The following PIK3CB variants were observed in gnomAD, a reference collection of about 807,000 sequenced individuals.
PIK3CB encodes phosphatidylinositol-4,5-bisphosphate 3-kinase catalytic subunit beta.
Under a neutral mutation model 136.8 loss-of-function variants are expected in PIK3CB, and 39 were observed. The ratio of observed to expected loss-of-function variants is 0.29; its 90% CI spans 0.22 to 0.37. The LOEUF (loss-of-function observed/expected upper bound fraction) is 0.37. PIK3CB is among the 10% of genes least tolerant of loss of function. The pLI is 1.00. For missense variants in PIK3CB, 868 were observed against 1,275.4 expected (o/e 0.68, Z 4.87); for synonymous variants, 428 against 436.6 (o/e 0.98, Z 0.25).
At chr3:138,759,003 C>T (rs905426129) in intron 3 of PIK3CB, among the ~76,000 whole-genome samples, 170 bp downstream of exon 3, 2 of 152,024 alleles carry the variant, frequency 1.3e-5, no homozygotes, top group Admixed American at 6.6e-5. Context: ...TTTTAATAAC[C>T]CAAACAAACA....
intron 10 of PIK3CB, 57 bp downstream of exon 10, chr3:138,712,151 T>C: frequency 1.3e-6 from 1 of 759,478 alleles, no homozygotes; most frequent in Admixed American, 2.2e-5. Flanking sequence ...TATTACCTAG[T>C]CCACATGCCA....
chr3:138,832,255 C>T (rs1294001800), intron 1 of PIK3CB, among the ~76,000 whole-genome samples: 1 of 152,100 alleles, frequency 6.6e-6, no homozygotes, highest in Non-Finnish European at 1.5e-5. Flanking sequence ...AATGACAAAT[C>T]AAAACCCGAC....
At chr3:138,666,393 G>A (rs1169944541) in intron 19 of PIK3CB, among the ~76,000 whole-genome samples, 1 of 151,996 alleles carries the variant, frequency 6.6e-6, no homozygotes, top group Non-Finnish European at 1.5e-5. Flanking sequence ...TGCTAAGCTT[G>A]TAACTCCTGG....
At chr3:138,725,179 C>T (rs1008845747) in intron 8 of PIK3CB, among the ~76,000 whole-genome samples, 4 of 151,484 alleles carry the variant, frequency 2.6e-5, no homozygotes, top group African/African-American at 9.8e-5. Flanking sequence ...TTTATACTCC[C>T]TAAATATATA....
At chr3:138,753,718 A>T (rs1489273462) in intron 4 of PIK3CB, among the ~76,000 whole-genome samples, 1 of 151,866 alleles carries the variant, frequency 6.6e-6, no homozygotes, top group African/African-American at 2.4e-5. Context: ...AGGTAGGAGG[A>T]TCACTTAAGC....
chr3:138,758,966 G>C (rs142962967), intron 3 of PIK3CB, among the ~76,000 whole-genome samples: 3 of 151,966 alleles, frequency 2.0e-5, no homozygotes, highest in African/African-American at 7.3e-5. Context: ...TTTCAAAGAC[G>C]AACTCAAAAG....
chr3:138,740,702 A>C (rs2045226287), intron 5 of PIK3CB, among the ~76,000 whole-genome samples: 2 of 151,796 alleles, frequency 1.3e-5, no homozygotes, highest in Admixed American at 6.6e-5. Context: ...GCCCAAGCTG[A>C]AGTGTGGTGG....
Position 138,707,185 on chromosome 3 carries a change from G to T in PIK3CB, c.1504C>A (p.Pro502Thr), listed in dbSNP as rs1379286326. The change falls in exon 11 of 24, where the codon CCT becomes ACT. Residue 502 changes from proline (P) to threonine (T), a missense_variant. Around this residue, in one of 4 missense-constraint regions of PIK3CB, gnomAD observed 612 missense variants for 801.1 expected, o/e 0.76. Coordinates refer to ENST00000674063, the MANE Select transcript of PIK3CB (RefSeq NM_006219.3). ...HVKFPENKKQ[P>T]YYYPPFDKII... The stretch of plus-strand genomic sequence containing the variant: ...TTATCGAAGGGAGGGTAATAATAAG[G>T]TTGTTTTTTATTCTCTGGAAATTTA... 6.2e-7 allele frequency: 1 copy of T among 1,605,420 alleles called. No individual in the cohort carries two copies. Among genetic ancestry groups the T allele is most frequent in the South Asian group, 1.1e-5 (1 of 90,518 alleles).
chr3:138,679,080 CA>C (rs2043708503), intron 19 of PIK3CB, among the ~76,000 whole-genome samples: 1 of 151,588 alleles, frequency 6.6e-6, no homozygotes, highest in Admixed American at 6.6e-5. Context: ...AACAAACAAA[CA>C]AACAAAAAAA....
At chr3:138,705,163 A>G (rs1268718557) in intron 11 of PIK3CB, among the ~76,000 whole-genome samples, 2 of 106,860 alleles carry the variant, frequency 1.9e-5, no homozygotes, top group East Asian at 8.2e-4. Context: ...GGCAAAAAAA[A>G]AAAAAAAAAA....
chr3:138,815,898 C>A (rs1160100472), intron 1 of PIK3CB, among the ~76,000 whole-genome samples: 1 of 152,332 alleles, frequency 6.6e-6, no homozygotes, highest in East Asian at 1.9e-4. Context: ...GGTGCCTGCA[C>A]AAAGAAATCC....
chr3:138,690,512 A>C (rs936769811), intron 15 of PIK3CB, among the ~76,000 whole-genome samples: 8 of 152,136 alleles, frequency 5.3e-5, no homozygotes, highest in Non-Finnish European at 1.2e-4. Context: ...TTACCTACTT[A>C]ATAAAGAAAT....
chr3:138,664,887 C>G (rs183267386), intron 20 of PIK3CB, 149 bp downstream of exon 20: 3 of 484,586 alleles, frequency 6.2e-6, no homozygotes, highest in Non-Finnish European at 1.1e-5. Flanking sequence ...TTACGAAGGG[C>G]TATGTGTCAT....
chr3:138,826,018 T>G, intron 1 of PIK3CB: 1 of 1,412,256 alleles, frequency 7.1e-7, no homozygotes, highest in Non-Finnish European at 9.9e-7. Context: ...GCTATGCCAC[T>G]GTACTGGATT....
chr3:138,657,359 G>C (rs2108390680), intron 22 of PIK3CB: 1 of 199,810 alleles, frequency 5.0e-6, no homozygotes, highest in South Asian at 1.1e-4. Flanking sequence ...TTCCCTTACT[G>C]TACTCCATAC....
intron 1 of PIK3CB, among the ~76,000 whole-genome samples, chr3:138,798,440 G>A (rs2046133762): frequency 6.6e-6 from 1 of 152,318 alleles, no homozygotes; most frequent in East Asian, 1.9e-4. Flanking sequence ...TGGGATTACA[G>A]GCGTGAGCCA....
At chr3:138,697,853 C>A (rs1577087580) in intron 13 of PIK3CB, among the ~76,000 whole-genome samples, 1 of 152,216 alleles carries the variant, frequency 6.6e-6, no homozygotes, top group East Asian at 1.9e-4. Context: ...CCATTTCAGC[C>A]ACTCAAGTAG....
At position 138,834,754 on chromosome 3, in the gene PIK3CB, G is replaced by T; in HGVS notation, c.-181C>A. ...TTCCAAGTGCGCAGTCAGCAGCCCA[G>T]GCCGCCGCAACCGCTCCACTCCGGC... On this transcript the variant is annotated 5_prime_UTR_variant, in exon 1 of 24. It adds an upstream start codon to the 5' untranslated region. Coordinates refer to ENST00000674063, the MANE Select transcript of PIK3CB (RefSeq NM_006219.3). The T allele has an allele frequency of 6.5e-6, 1 of 153,734 alleles. No individual in the cohort carries two copies. Among genetic ancestry groups the T allele is most frequent in the Non-Finnish European group, 1.4e-5 (1 of 69,566 alleles). The allele number at this position is 153,734 out of a possible 1,614,324, so 9.5% of individuals were successfully genotyped here.
At chr3:138,744,017 C>T (rs1031459542) in intron 4 of PIK3CB, among the ~76,000 whole-genome samples, 1 of 151,878 alleles carries the variant, frequency 6.6e-6, no homozygotes, top group Non-Finnish European at 1.5e-5. Context: ...TTAATTATTC[C>T]AGCACTCTTC....
Sources: allele counts gnomAD v4.1 joint callset (sites outside exome capture counted in the v4.1 genomes callset), GRCh38; gene constraint gnomAD v4.1.1; regional missense constraint gnomAD v4.1.1; transcripts MANE v1.5; gene names NCBI Gene and HGNC (gene_info 2026-07-23, HGNC 2026-07-21).